The following NIPSNAP3A variants were observed in gnomAD, a reference collection of about 807,000 sequenced individuals.
NIPSNAP3A encodes the protein nipsnap homolog 3A, also known as protein NipSnap homolog 3A.
Under a neutral mutation model 32.3 loss-of-function variants are expected in NIPSNAP3A, and 27 were observed. The observed-to-expected ratio is 0.84, with a 90% confidence interval of 0.62 to 1.15. The LOEUF is 1.15. NIPSNAP3A is among the 50% of genes most tolerant of loss of function. The pLI is 0.00. For missense variants in NIPSNAP3A, 278 were observed against 297.2 expected (o/e 0.94, Z 0.48); for synonymous variants, 108 against 107.3 (o/e 1.01, Z -0.04).
At chr9:104,747,886 G>A (rs770277330) in intron 1 of NIPSNAP3A, 34 bp downstream of exon 1, 107 of 1,468,950 alleles carry the variant, frequency 7.3e-5, no homozygotes, top group Non-Finnish European at 9.3e-5. Context: ...GCCTTCACCC[G>A]ACGGGAGGGG....
intron 1 of NIPSNAP3A, among the ~76,000 whole-genome samples, chr9:104,749,635 T>G (rs1245526569): frequency 6.6e-6 from 1 of 152,196 alleles, no homozygotes; most frequent in Non-Finnish European, 1.5e-5. Context: ...AATGCCTGTG[T>G]GTATACCATG....
At chr9:104,749,032 T>A (rs1397274994) in intron 1 of NIPSNAP3A, among the ~76,000 whole-genome samples, 1 of 152,094 alleles carries the variant, frequency 6.6e-6, no homozygotes, top group Non-Finnish European at 1.5e-5. Flanking sequence ...CACATCTCTC[T>A]CCCTCTCTCA....
At position 104,759,287 on chromosome 9, in the gene NIPSNAP3A, A is replaced by G. The variant is rs763944429; in HGVS notation, c.693A>G (p.Val231=). 1.6e-5 allele frequency: 26 copies of G among 1,614,032 alleles called. No individual in the cohort carries two copies. Among genetic ancestry groups the G allele is most frequent in the Non-Finnish European group, 1.9e-5 (23 of 1,180,036 alleles). ...TTCGGGAAAGTGTCAACTACCTAGT[A>G]TCTCAGCAGAATATGCTTCTGATTC... ...AAVRESVNYL[V]SQQNMLLIPT... is the part of the protein sequence containing the mutation. The change falls in exon 6 of 6, where the codon GTA becomes GTG. Residue 231 remains valine (V), a synonymous_variant. Coordinates refer to ENST00000374767, the MANE Select transcript of NIPSNAP3A (RefSeq NM_015469.3).
At chr9:104,754,493 A>G (rs905475175) in intron 3 of NIPSNAP3A, 58 bp from the exon 4 acceptor site, 16 of 1,471,630 alleles carry the variant, frequency 1.1e-5, no homozygotes, top group Non-Finnish European at 1.5e-5. Context: ...TTCACTGAGA[A>G]ACGTGATTGG....
At chr9:104,751,215 G>A in intron 2 of NIPSNAP3A, 49 bp downstream of exon 2, 1 of 1,457,758 alleles carries the variant, frequency 6.9e-7, no homozygotes, top group Non-Finnish European at 9.6e-7. Flanking sequence ...TCATTTTTCA[G>A]TATAGATTTT....
At position 104,759,141 on chromosome 9, in the gene NIPSNAP3A, T is replaced by G; in HGVS notation, c.637T>G (p.Ser213Ala). The G allele has an allele frequency of 6.2e-7, 1 of 1,613,508 alleles. No homozygotes were observed. Among genetic ancestry groups the G allele is most frequent in the Non-Finnish European group, 8.5e-7 (1 of 1,179,702 alleles). ...TAGTCGTGCAGCTGGGAGACATAAG[T>G]CCCATGAGGATCCCAGAGTTGTGGC... ...ADSRAAGRHK[S>A]HEDPRVVAAV... Residue 213 changes from serine to alanine, a missense_variant, in exon 5 of 6, where the codon TCC becomes GCC. Transcript: ENST00000374767.
At chr9:104,753,539 A>G (rs1253970420) in intron 3 of NIPSNAP3A, 3 of 154,892 alleles carry the variant, frequency 1.9e-5, no homozygotes, top group East Asian at 1.9e-4. Context: ...CTGCCAAGCT[A>G]TATTACTTTA....
At chr9:104,752,804 T>G in intron 2 of NIPSNAP3A, 102 bp from the exon 3 acceptor site, 1 of 962,316 alleles carries the variant, frequency 1.0e-6, no homozygotes, top group Non-Finnish European at 1.6e-6. Context: ...ACAAGGTTCT[T>G]ATATGGCATC....
At chr9:104,758,528 C>T (rs550062859) in intron 4 of NIPSNAP3A, among the ~76,000 whole-genome samples, 1 of 152,202 alleles carries the variant, frequency 6.6e-6, no homozygotes, top group African/African-American at 2.4e-5. Context: ...CTTCCGTTTT[C>T]CAGCCTTCTA....
chr9:104,754,678 AGAGTACG>A lies in NIPSNAP3A; in HGVS notation c.562_568del (p.Tyr188HisfsTer41). 1 of 1,613,872 alleles carries A rather than the reference AGAGTACG, an allele frequency of 6.2e-7. No homozygotes were observed. Among genetic ancestry groups the A allele is most frequent in the Non-Finnish European group, 8.5e-7 (1 of 1,179,722 alleles). On this transcript the variant is annotated frameshift_variant, in exon 4 of 6. Coordinates refer to ENST00000374767, the MANE Select transcript of NIPSNAP3A (RefSeq NM_015469.3). LOFTEE classifies it high-confidence loss of function. The stretch of plus-strand genomic sequence containing the variant: ...CAAAACTAGTTGGAGTGTTCCACAC[AGAGTACG>A]GAGCACTCAACAGAGGTACAATTGT...
rs114635115 is a variant in NIPSNAP3A, at chr9:104,747,781, C to T, written c.-12C>T. 3,861 of 1,606,502 alleles carry T rather than the reference C, an allele frequency of 2.4e-3. 88 individuals carry two copies. In the African/African-American group the frequency reaches 0.042, roughly 18 times the overall value. On this transcript the variant is annotated 5_prime_UTR_variant, in exon 1 of 6. Transcript: ENST00000374767. ...CACGGCTGGCTGCTTTTCTCAGCGC[C>T]GAAGCCGCGCCATGCTCGTCCTCAG...
At chr9:104,748,761 G>A (rs1312604778) in intron 1 of NIPSNAP3A, among the ~76,000 whole-genome samples, 1 of 152,150 alleles carries the variant, frequency 6.6e-6, no homozygotes, top group Non-Finnish European at 1.5e-5. Flanking sequence ...CTCCAGTGGG[G>A]CAGGGCCAGG....
intron 3 of NIPSNAP3A, chr9:104,753,585 T>C (rs1239783254): frequency 6.5e-6 from 1 of 153,134 alleles, no homozygotes; most frequent in Non-Finnish European, 1.5e-5. Context: ...GTTTCTCAGT[T>C]TGAAAGTAAT....
intron 2 of NIPSNAP3A, 127 bp downstream of exon 2, chr9:104,751,293 C>CT (rs1827845917): frequency 4.6e-6 from 4 of 872,750 alleles, no homozygotes; most frequent in African/African-American, 1.7e-5. Context: ...TACAGGTTAA[C>CT]TAAGACTTTT....
intron 4 of NIPSNAP3A, among the ~76,000 whole-genome samples, chr9:104,755,261 A>C (rs1421724015): frequency 6.6e-6 from 1 of 151,848 alleles, no homozygotes; most frequent in Non-Finnish European, 1.5e-5. Flanking sequence ...AAAATGAAGG[A>C]ACCTCAAGAA....
rs558355236 is a variant in NIPSNAP3A at position 104,759,971 on chromosome 9, T to C, written c.*633T>C. On this transcript the variant is annotated 3_prime_UTR_variant, in exon 6 of 6. Coordinates refer to ENST00000374767, the MANE Select transcript of NIPSNAP3A (RefSeq NM_015469.3). ...AATCTAGAAAAGACTTGTTGGTTTATGTGCTGAAATGTCTTTATTTATAAT... is the reference window on the plus strand; with the variant it reads ...AATCTAGAAAAGACTTGTTGGTTTACGTGCTGAAATGTCTTTATTTATAAT... 1 of 152,370 alleles carries C rather than the reference T, an allele frequency of 6.6e-6. No individual in the cohort carries two copies. Among genetic ancestry groups the C allele is most frequent in the African/African-American group, 2.4e-5 (1 of 41,562 alleles). 9.4% of individuals were successfully genotyped at this position (152,370 alleles called of 1,614,324 possible).
At chr9:104,750,922 C>T (rs767098998) in intron 1 of NIPSNAP3A, 34 bp from the exon 2 acceptor site, 4 of 1,510,212 alleles carry the variant, frequency 2.6e-6, no homozygotes, top group South Asian at 2.3e-5. Context: ...ATCCTGTCTT[C>T]TCAAGATATT....
At chr9:104,757,778 G>A (rs1007944766) in intron 4 of NIPSNAP3A, among the ~76,000 whole-genome samples, 5 of 152,060 alleles carry the variant, frequency 3.3e-5, no homozygotes, top group East Asian at 1.9e-4. Context: ...CAGGCCAGGC[G>A]TGGTGGTTCA....
chr9:104,759,421 C>T lies in NIPSNAP3A; in HGVS notation c.*83C>T. 1 of 1,375,114 alleles carries T rather than the reference C, an allele frequency of 7.3e-7. No individual in the cohort carries two copies. Among genetic ancestry groups the T allele is most frequent in the Non-Finnish European group, 1.0e-6 (1 of 976,860 alleles). The allele number at this position is 1,375,114 out of a possible 1,614,324, so 85.2% of individuals were successfully genotyped here. A position where few individuals can be genotyped will look rare whatever the true frequency, so the allele number is the denominator to read the frequency against. On this transcript the variant is annotated 3_prime_UTR_variant, in exon 6 of 6. Coordinates refer to ENST00000374767, the MANE Select transcript of NIPSNAP3A (RefSeq NM_015469.3). ...TGCTTAAATTCTCCCAAGAGGTTCT[C>T]ACTTTTATTTGAAGGAGGTGTTAAG... is the stretch of plus-strand genomic sequence containing the variant.
Sources: allele counts gnomAD v4.1 joint callset (sites outside exome capture counted in the v4.1 genomes callset), GRCh38; gene constraint gnomAD v4.1.1; transcripts MANE v1.5; gene names NCBI Gene and HGNC (gene_info 2026-07-23, HGNC 2026-07-21).